GSE1: variants seen among roughly 807,000 people sequenced by gnomAD.
GSE1 encodes the protein genetic suppressor element 1.
GSE1 carries 32 observed loss-of-function variants against 112.6 expected under a neutral mutation model. That is an observed-to-expected ratio of 0.28 (90% CI 0.21 to 0.38). GSE1 has a LOEUF of 0.38. Ranked by LOEUF, GSE1 falls within the 10% of genes least tolerant of loss-of-function variation. The probability of loss-of-function intolerance (pLI) is 1.00; values close to 1 mark genes in which losing one functional copy is unlikely to be tolerated. For synonymous variants in GSE1, 1,115 were observed against 735.6 expected (o/e 1.52, Z -8.35); for missense variants, 2,348 against 1,699.2 (o/e 1.38, Z -6.71).
chr16:85,668,055 C>A (rs2053022784), intron 13 of GSE1, 85 bp from the exon 14 acceptor site: 1 of 1,039,760 alleles, frequency 9.6e-7, no homozygotes, highest in African/African-American at 1.6e-5. Flanking sequence ...GACTCTGCAC[C>A]AAGGGCAGAG....
intron 1 of GSE1, among the ~76,000 whole-genome samples, chr16:85,345,871 G>A (rs1173593431): frequency 1.3e-5 from 2 of 152,218 alleles, no homozygotes; most frequent in African/African-American, 4.8e-5. Flanking sequence ...TGAGCAAATG[G>A]ACAGGTGGAT....
chr16:85,399,027 C>G (rs1227055014), intron 2 of GSE1, among the ~76,000 whole-genome samples: 4 of 150,422 alleles, frequency 2.7e-5, no homozygotes, highest in Non-Finnish European at 5.9e-5. Flanking sequence ...GGTTGGCAGA[C>G]ATTGGCAGAC....
chr16:85,378,636 GAGGC>G (rs1400985425), intron 2 of GSE1, among the ~76,000 whole-genome samples: 2 of 152,198 alleles, frequency 1.3e-5, no homozygotes, highest in East Asian at 3.9e-4. Context: ...TGGCTCTCAT[GAGGC>G]AGGCACAGTT....
At chr16:85,450,388 G>C (rs1043033730) in intron 2 of GSE1, among the ~76,000 whole-genome samples, 5 of 151,686 alleles carry the variant, frequency 3.3e-5, no homozygotes, top group African/African-American at 1.2e-4. Flanking sequence ...AAAGTACAGG[G>C]ATTATAGGCA....
At chr16:85,474,504 C>T (rs373369104) in intron 2 of GSE1, among the ~76,000 whole-genome samples, 27 of 152,202 alleles carry the variant, frequency 1.8e-4, no homozygotes, top group African/African-American at 6.0e-4. Flanking sequence ...TTCCTCTCTG[C>T]GGCACTTCCC....
chr16:85,564,959 T>C (rs74031842), intron 1 of GSE1, among the ~76,000 whole-genome samples: 1 of 151,844 alleles, frequency 6.6e-6, no homozygotes, highest in Admixed American at 6.6e-5. Context: ...GGGGAGAGTG[T>C]GGCCAGGGGA....
chr16:85,599,243 GA>G (rs2047362207), intron 1 of GSE1, among the ~76,000 whole-genome samples: 1 of 152,204 alleles, frequency 6.6e-6, no homozygotes, highest in African/African-American at 2.4e-5. Flanking sequence ...GGTTCTTTTG[GA>G]GAGAGAGGCG....
chr16:85,317,646 C>T (rs1005052704), intron 1 of GSE1, among the ~76,000 whole-genome samples: 1 of 152,100 alleles, frequency 6.6e-6, no homozygotes, highest in African/African-American at 2.4e-5. Context: ...GGTGGGCATC[C>T]ATGCGCCCTG....
chr16:85,339,768 G>A (rs987847464), intron 1 of GSE1, among the ~76,000 whole-genome samples: 2 of 152,142 alleles, frequency 1.3e-5, no homozygotes, highest in East Asian at 3.9e-4. Flanking sequence ...TATGCCAGGG[G>A]ACGGCGTCTG....
chr16:85,416,835 GT>G (rs369643383), intron 2 of GSE1, among the ~76,000 whole-genome samples: 78 of 152,216 alleles, frequency 5.1e-4, no homozygotes, highest in African/African-American at 1.8e-3. Context: ...GGTTTTTCTT[GT>G]TTTGTTTTTT....
chr16:85,601,402 G>GA (rs2047458779), intron 1 of GSE1, among the ~76,000 whole-genome samples: 1 of 152,110 alleles, frequency 6.6e-6, no homozygotes, highest in African/African-American at 2.4e-5. Context: ...GATTGCAGGG[G>GA]CCAGGCTGGT....
chr16:85,184,692 C>T (rs925706926), intron 1 of GSE1, among the ~76,000 whole-genome samples: 2 of 152,130 alleles, frequency 1.3e-5, no homozygotes, highest in South Asian at 2.1e-4. Flanking sequence ...TTCAATTTCC[C>T]TTGTGTTTTT....
At chr16:85,246,324 CACACACA>C (rs1567635991) in intron 1 of GSE1, among the ~76,000 whole-genome samples, 1 of 88,616 alleles carries the variant, frequency 1.1e-5, no homozygotes, top group Admixed American at 1.2e-4. Flanking sequence ...CACACACACA[CACACACA>C]CCCCCCACAC....
At chr16:85,266,323 G>A (rs1292049735) in intron 1 of GSE1, among the ~76,000 whole-genome samples, 2 of 152,312 alleles carry the variant, frequency 1.3e-5, no homozygotes, top group South Asian at 2.1e-4. Flanking sequence ...ACTGAGGCCC[G>A]AGGAGTGAAT....
chr16:85,334,633 C>T (rs1597419027), intron 1 of GSE1, among the ~76,000 whole-genome samples: 2 of 152,244 alleles, frequency 1.3e-5, no homozygotes, highest in Non-Finnish European at 2.9e-5. Context: ...GTGAGGAGCC[C>T]CTTATTGGGG....
intron 2 of GSE1, among the ~76,000 whole-genome samples, chr16:85,648,143 C>G (rs1056795661): frequency 6.6e-6 from 1 of 151,960 alleles, no homozygotes; most frequent in African/African-American, 2.4e-5. Context: ...CCTAGAAACA[C>G]GTGTGTTCTC....
rs2053496387 is a variant in GSE1, at chr16:85,673,427, G to GTTTGTTTTTCCTGTTTGGGGGT, written c.*896_*917dup. 1 of 131,484 alleles carries GTTTGTTTTTCCTGTTTGGGGGT rather than the reference G, an allele frequency of 7.6e-6. No individual in the cohort carries two copies. Among genetic ancestry groups the GTTTGTTTTTCCTGTTTGGGGGT allele is most frequent in the Non-Finnish European group, 1.6e-5 (1 of 61,244 alleles). 8.1% of individuals were successfully genotyped at this position (131,484 alleles called of 1,614,324 possible). On this transcript the variant is annotated 3_prime_UTR_variant, in exon 16 of 16. Transcript: ENST00000253458. ...TTAATATGTGGTTTGGGGGATTTTT[G>GTTTGTTTTTCCTGTTTGGGGGT]TTTGTTTTTCCTGTTTGGGGGTTTT...
Position 85,502,213 on chromosome 16 carries a change from G to A in GSE1, c.2465-131701G>A, listed in dbSNP as rs74766578. Reference sequence around the variant, plus strand: ...AGGGGGACCATATGGGCTGCGTCCCGAGAGAGCCTTGGTGACACCTCGTGC... The same window carrying A: ...AGGGGGACCATATGGGCTGCGTCCCAAGAGAGCCTTGGTGACACCTCGTGC... On this transcript the variant is annotated intron_variant, in intron 2 of 2. Coordinates refer to the GSE1 transcript ENST00000637419. 3.0e-3 allele frequency among the ~76,000 whole-genome samples: 464 copies of A among 152,314 alleles called. 1 individual carries two copies. Among genetic ancestry groups the A allele is most frequent in the African/African-American group, 0.01 (418 of 41,574 alleles).
chr16:85,468,104 C>T lies in GSE1; in HGVS notation c.2464+110461C>T, dbSNP rs990902239. Among the ~76,000 whole-genome samples, 15 of 152,210 alleles carry T rather than the reference C, an allele frequency of 9.9e-5. 1 individual carries two copies. The East Asian group carries it at 2.9e-3, about 30-fold the overall frequency. ...GAGCCACAGCCCACCTCAGCCTTGA[C>T]AGAGGTCCCGATGGGAGATGGATTC... On this transcript the variant is annotated intron_variant, in intron 2 of 2. Coordinates refer to the GSE1 transcript ENST00000637419.
Sources: gnomAD v4.1 joint callset for allele counts (sites outside exome capture counted in the v4.1 genomes callset) on GRCh38, gnomAD v4.1.1 for gene constraint, MANE v1.5 for transcripts, NCBI Gene and HGNC (gene_info 2026-07-23, HGNC 2026-07-21) for gene names.